Variants in PDE1C observed in about 807,000 individuals in gnomAD.
The protein encoded by PDE1C is dual specificity calcium/calmodulin-dependent 3',5'-cyclic nucleotide phosphodiesterase 1C.
Under a neutral mutation model 93.1 loss-of-function variants are expected in PDE1C, and 62 were observed. The observed-to-expected ratio is 0.67, with a 90% confidence interval of 0.54 to 0.82. The LOEUF (loss-of-function observed/expected upper bound fraction) is 0.82, where lower values mean the gene tolerates loss of function less well. PDE1C is among the 40% of genes least tolerant of loss of function. The probability of loss-of-function intolerance (pLI) is 0.00; values close to 1 mark genes in which losing one functional copy is unlikely to be tolerated. For missense variants in PDE1C, 742 were observed against 884.6 expected (o/e 0.84, Z 2.04); for synonymous variants, 325 against 310.1 (o/e 1.05, Z -0.50).
At chr7:31,746,909 T>C (rs1023446751), downstream of PDE1C, among the ~76,000 whole-genome samples, 9 of 152,096 alleles carry the variant, frequency 5.9e-5, no homozygotes, top group African/African-American at 1.9e-4. Context: ...CAATGAGCAA[T>C]GGTGCATGGA....
chr7:32,002,478 GGTGATCCAGGTACCT>G (rs1785597663), intron 2 of PDE1C, among the ~76,000 whole-genome samples: 1 of 152,120 alleles, frequency 6.6e-6, no homozygotes, highest in Non-Finnish European at 1.5e-5. Context: ...GTGAAAATGG[GGTGATCCAGGTACCT>G]GTGATCCACA....
At chr7:32,312,005 C>T (rs1188498774) in intron 1 of PDE1C, among the ~76,000 whole-genome samples, 3 of 149,140 alleles carry the variant, frequency 2.0e-5, no homozygotes, top group South Asian at 2.2e-4. Context: ...TCTAGAAAAC[C>T]CCATTATCTC....
rs534783886 is a variant in PDE1C, at chr7:31,855,681, A to C, written c.751-4940T>G. Among the ~76,000 whole-genome samples the C allele has an allele frequency of 1.6e-4, 24 of 150,736 alleles. 1 individual carries two copies. The East Asian group carries it at 4.5e-3, about 28-fold the overall frequency. ...AATATGACATTATGGTAATGTCATA[A>C]ACGACCAAAAAAATAAAAAATAAAA... On this transcript the variant is annotated intron_variant, in intron 7 of 17. Transcript: ENST00000396191.
intron 1 of PDE1C, among the ~76,000 whole-genome samples, chr7:32,060,161 G>T (rs1305964831): frequency 6.6e-6 from 1 of 152,142 alleles, no homozygotes; most frequent in Non-Finnish European, 1.5e-5. Flanking sequence ...TATTCACAGA[G>T]CTGTTTCAAT....
intron 3 of PDE1C, among the ~76,000 whole-genome samples, chr7:32,081,194 A>G (rs988536763): frequency 6.6e-6 from 1 of 152,186 alleles, no homozygotes; most frequent in Non-Finnish European, 1.5e-5. Context: ...CCTCAATGGG[A>G]TTTAGGAAGC....
chr7:32,053,321 G>A (rs1248241169), intron 1 of PDE1C, among the ~76,000 whole-genome samples: 1 of 152,188 alleles, frequency 6.6e-6, no homozygotes, highest in Non-Finnish European at 1.5e-5. Context: ...AAGCTATGAT[G>A]CATGTGCACT....
the PDE1C span, chr7:31,643,487 G>A: frequency 6.2e-7 from 1 of 1,614,006 alleles, no homozygotes; most frequent in Non-Finnish European, 8.5e-7. Flanking sequence ...GGCAGCTCCA[G>A]GTCTGTAATG....
chr7:31,811,717 A>G (rs1787570903), intron 15 of PDE1C, among the ~76,000 whole-genome samples: 1 of 152,108 alleles, frequency 6.6e-6, no homozygotes, highest in African/African-American at 2.4e-5. Context: ...GTCTTCTGGA[A>G]GTCGTGGAGA....
the PDE1C span, among the ~76,000 whole-genome samples, chr7:31,714,436 T>C: frequency 6.6e-6 from 1 of 152,196 alleles, no homozygotes; most frequent in Non-Finnish European, 1.5e-5. Flanking sequence ...TTTTCCTGTC[T>C]TCTTCTGAGC....
At chr7:32,001,123 C>G (rs1785406050) in intron 2 of PDE1C, among the ~76,000 whole-genome samples, 1 of 152,004 alleles carries the variant, frequency 6.6e-6, no homozygotes, top group South Asian at 2.1e-4. Flanking sequence ...GGCATATATG[C>G]CAGCATGTGA....
intron 3 of PDE1C, among the ~76,000 whole-genome samples, chr7:32,150,285 G>A (rs1347670083): frequency 1.3e-5 from 2 of 152,210 alleles, no homozygotes; most frequent in Non-Finnish European, 2.9e-5. Flanking sequence ...CTCACACTGT[G>A]TAAGAGAGTC....
At chr7:32,410,444 G>A (rs866162696) in intron 1 of PDE1C, among the ~76,000 whole-genome samples, 1 of 151,898 alleles carries the variant, frequency 6.6e-6, no homozygotes, top group South Asian at 2.1e-4. Context: ...AGGAGGAGGT[G>A]GAGGAGGAGG....
chr7:32,382,758 AC>A (rs1164624489), intron 1 of PDE1C, among the ~76,000 whole-genome samples: 2 of 152,190 alleles, frequency 1.3e-5, no homozygotes, highest in Non-Finnish European at 2.9e-5. Flanking sequence ...AAACCACTTT[AC>A]AAATTTGAAT....
Position 32,309,440 on chromosome 7 carries a change from A to C in PDE1C, c.311-99901T>G, listed in dbSNP as rs948664986. On this transcript the variant is annotated intron_variant, in intron 1 of 1. Coordinates refer to the PDE1C transcript ENST00000672256. ...CTCAAGAAGAGCAACTCCAAGACAC[A>C]TAATTGTCAGATTCACCAAAGTTGA... Among the ~76,000 whole-genome samples, 4 of 152,214 alleles carry C rather than the reference A, an allele frequency of 2.6e-5. No homozygotes were observed. The South Asian group carries it at 8.3e-4, about 32-fold the overall frequency.
intron 16 of PDE1C, chr7:31,786,005 T>C (rs1783893929): frequency 6.6e-6 from 1 of 152,228 alleles, no homozygotes; most frequent in African/African-American, 2.4e-5. Context: ...CATTTGTTCA[T>C]GCATAAGATC....
the PDE1C span, among the ~76,000 whole-genome samples, chr7:31,724,122 G>A: frequency 6.6e-6 from 1 of 152,182 alleles, no homozygotes; most frequent in African/African-American, 2.4e-5. Context: ...TTCTGCCTCA[G>A]TGCTGTTATC....
chr7:31,723,902 C>T, the PDE1C span, among the ~76,000 whole-genome samples: 8 of 152,302 alleles, frequency 5.3e-5, no homozygotes, highest in South Asian at 4.1e-4. Flanking sequence ...GCTCCTACCA[C>T]CCTCAGTCTC....
intron 2 of PDE1C, among the ~76,000 whole-genome samples, chr7:32,011,196 A>T (rs992246824): frequency 2.0e-5 from 3 of 146,630 alleles, no homozygotes; most frequent in African/African-American, 7.5e-5. Context: ...TAAATTAACA[A>T]TTTTTTTTTT....
intron 1 of PDE1C, among the ~76,000 whole-genome samples, chr7:32,215,106 C>T (rs1201034383): frequency 2.0e-5 from 3 of 152,074 alleles, no homozygotes; most frequent in African/African-American, 7.2e-5. Context: ...GGCCACAGAA[C>T]CGAGCAGCCC....
Sources: allele counts gnomAD v4.1 joint callset (sites outside exome capture counted in the v4.1 genomes callset), GRCh38; gene constraint gnomAD v4.1.1; transcripts MANE v1.5; gene names NCBI Gene and HGNC (gene_info 2026-07-23, HGNC 2026-07-21).